The following PHC2 variants were observed in gnomAD, a reference collection of about 807,000 sequenced individuals.
The protein encoded by PHC2 is polyhomeotic homolog 2.
In PHC2, 29 loss-of-function variants were observed where a neutral mutation model predicts 87.4. The observed-to-expected ratio is 0.33, with a 90% CI of 0.25 to 0.45. The LOEUF is 0.45. Among genes scored for constraint, PHC2 ranks in the 20% least tolerant of loss-of-function variants. The probability of loss-of-function intolerance (pLI) is 1.00; values close to 1 mark genes in which losing one functional copy is unlikely to be tolerated. For synonymous variants in PHC2, 438 were observed against 461.7 expected (o/e 0.95, Z 0.66); for missense variants, 857 against 1,136.7 (o/e 0.75, Z 3.54).
chr1:33,346,530 A>T (rs1646847900), intron 9 of PHC2: 1 of 985,118 alleles, frequency 1.0e-6, no homozygotes, highest in Non-Finnish European at 1.2e-6. Context: ...AATATTGAAC[A>T]GCTGGGAGAA....
intron 1 of PHC2, among the ~76,000 whole-genome samples, chr1:33,401,084 TG>T (rs1452763649): frequency 6.6e-6 from 1 of 152,214 alleles, no homozygotes; most frequent in Non-Finnish European, 1.5e-5. Context: ...CCTAGCACTT[TG>T]GGAGGCCGAG....
At position 33,375,554 on chromosome 1, in the gene PHC2, C is replaced by T. The variant is rs373109682; in HGVS notation, c.-15G>A. 3.0e-5 allele frequency: 45 copies of T among 1,498,924 alleles called. No individual in the cohort carries two copies. The highest frequency in any genetic ancestry group is 1.8e-4 in the Middle Eastern group (1 of 5,632). The allele number at this position is 1,498,924 out of a possible 1,614,324, so 92.9% of individuals were successfully genotyped here. On this transcript the variant is annotated 5_prime_UTR_variant, in exon 2 of 15. Transcript: ENST00000683057. Reference sequence around the variant, plus strand: ...TCATTCTCCATGGCCTGCAGTGTGGCGCAGTCAGGGCGCTCGGATGGCAGA... The same window carrying T: ...TCATTCTCCATGGCCTGCAGTGTGGTGCAGTCAGGGCGCTCGGATGGCAGA...
chr1:33,398,025 T>A (rs947001613), intron 1 of PHC2, among the ~76,000 whole-genome samples: 1 of 152,150 alleles, frequency 6.6e-6, no homozygotes, highest in Non-Finnish European at 1.5e-5. Flanking sequence ...CAAGAATGCC[T>A]CAGACAGATT....
intron 9 of PHC2, among the ~76,000 whole-genome samples, chr1:33,343,136 G>A (rs1388045016): frequency 6.6e-6 from 1 of 152,124 alleles, no homozygotes; most frequent in African/African-American, 2.4e-5. Context: ...CGCAGAAGCT[G>A]TGCTACATGG....
chr1:33,334,107 C>A lies in PHC2; in HGVS notation c.1744G>T (p.Gly582Trp). The change falls in exon 10 of 15, where the codon GGG (glycine) becomes TGG (tryptophan). Residue 582 changes from glycine to tryptophan, a missense_variant. Physicochemically the swap from Gly to Trp is radical, Grantham distance 184. Transcript: ENST00000683057. The surrounding 1 kb of genome is among the most constrained non-coding windows in gnomAD (Gnocchi z 5.5). ...HVIEGFVIQEGAEPFPVGRSS... is the reference protein window; with the variant it reads ...HVIEGFVIQEWAEPFPVGRSS... ...GTCCGTACCGGGAAAGGCTCCGCCC[C>A]CTCCTGGATCACAAACCCTTCGATA... 1 of 1,610,844 alleles carries A rather than the reference C, an allele frequency of 6.2e-7. No homozygotes were observed. The highest frequency in any genetic ancestry group is 8.5e-7 in the Non-Finnish European group (1 of 1,178,766).
At chr1:33,361,060 C>T (rs867933667) in intron 7 of PHC2, among the ~76,000 whole-genome samples, 2 of 152,132 alleles carry the variant, frequency 1.3e-5, no homozygotes, top group Non-Finnish European at 2.9e-5. Context: ...GGATTGTTAA[C>T]GCCAGGAGGC....
chr1:33,330,955 A>C (rs1202151273), intron 12 of PHC2, among the ~76,000 whole-genome samples: 1 of 152,200 alleles, frequency 6.6e-6, no homozygotes, highest in Non-Finnish European at 1.5e-5. Flanking sequence ...AGGAAATGGC[A>C]GTGGTTTTTA....
chr1:33,349,669 G>A lies in PHC2; in HGVS notation c.1558+4732C>T, dbSNP rs535746569. On this transcript the variant is annotated intron_variant, in intron 9 of 14. Coordinates refer to ENST00000683057, the MANE Select transcript of PHC2 (RefSeq NM_001385109.1). This position sits in a 1 kb window ranked among gnomAD's most constrained non-coding sequence, Gnocchi z 4.2. ...CTCGGCCGGGCGCCGACTCGCGCGG[G>A]GTCCCGGGCCCGGGCGGGCCGCCTC... 2,935 of 982,938 alleles carry A rather than the reference G, an allele frequency of 3.0e-3. 3 individuals carry two copies. The highest frequency in any genetic ancestry group is 3.3e-3 in the Non-Finnish European group (2,744 of 829,484). The allele number at this position is 982,938 out of a possible 1,614,324, so 60.9% of individuals were successfully genotyped here.
In PHC2 at chr1:33,368,081, A is replaced by G. The variant is rs1040255456; in HGVS notation, c.663+455T>C. Among the ~76,000 whole-genome samples, 7 of 152,120 alleles carry G rather than the reference A, an allele frequency of 4.6e-5. No individual in the cohort carries two copies. Among genetic ancestry groups the G allele is most frequent in the Admixed American group, 1.3e-4 (2 of 15,284 alleles). On this transcript the variant is annotated intron_variant, in intron 6 of 14. Transcript: ENST00000683057. The surrounding 1 kb of genome is among the most constrained non-coding windows in gnomAD (Gnocchi z 6.6). ...GGTTCCTTCCCCGGCTGCCCACAGA[A>G]TCTTCCCAGCCACGGTAGTATCTGT...
intron 1 of PHC2, among the ~76,000 whole-genome samples, chr1:33,415,377 A>G (rs1159036310): frequency 6.6e-6 from 1 of 152,244 alleles, no homozygotes; most frequent in Non-Finnish European, 1.5e-5. Context: ...CTTGTAATAG[A>G]CAAGGAATTA....
intron 9 of PHC2, among the ~76,000 whole-genome samples, chr1:33,335,858 C>G (rs970299549): frequency 6.6e-6 from 1 of 151,696 alleles, no homozygotes; most frequent in South Asian, 2.1e-4. Context: ...TGAGATCTCG[C>G]CACCCCCCTC....
chr1:33,328,832 G>T, intron 14 of PHC2, 38 bp downstream of exon 14: 1 of 1,565,208 alleles, frequency 6.4e-7, no homozygotes. Flanking sequence ...CTCTTTCCTT[G>T]CTATTCCGGG....
intron 1 of PHC2, among the ~76,000 whole-genome samples, chr1:33,425,105 G>A (rs1650614996): frequency 6.6e-6 from 1 of 152,206 alleles, no homozygotes. Context: ...GTGAACAAAT[G>A]TTGATTTTAT....
At position 33,329,166 on chromosome 1, in the gene PHC2, T is replaced by C; in HGVS notation, c.2149-20A>G. On this transcript the variant is annotated intron_variant, in intron 13 of 14. Transcript: ENST00000683057. ...TGTTGGCTGGGAGCAGAGAGTTTTC[T>C]TCAGGATGGGGGAACAAACCATCTC... is the stretch of plus-strand genomic sequence containing the variant. 1 of 1,604,770 alleles carries C rather than the reference T, an allele frequency of 6.2e-7. No homozygotes were observed. The highest frequency in any genetic ancestry group is 8.5e-7 in the Non-Finnish European group (1 of 1,173,824).
chr1:33,332,190 T>A lies in PHC2; in HGVS notation c.1891+85A>T, dbSNP rs1212485948. ...CAGACTCGCTGGCTCAGGGTTCCTC[T>A]GGGGAAACAGAGAGAGGAAGTGTGT... is the stretch of plus-strand genomic sequence containing the variant. On this transcript the variant is annotated intron_variant, in intron 11 of 14. Transcript: ENST00000683057. This position sits in a 1 kb window ranked among gnomAD's most constrained non-coding sequence, Gnocchi z 4.2. 2.8e-5 allele frequency: 42 copies of A among 1,520,608 alleles called. No homozygotes were observed. Among genetic ancestry groups the A allele is most frequent in the Non-Finnish European group, 3.5e-5 (39 of 1,100,646 alleles). 94.2% of individuals were successfully genotyped at this position (1,520,608 alleles called of 1,614,324 possible).
At chr1:33,398,942 T>C (rs1364724386) in intron 1 of PHC2, among the ~76,000 whole-genome samples, 1 of 152,028 alleles carries the variant, frequency 6.6e-6, no homozygotes, top group African/African-American at 2.4e-5. Flanking sequence ...GCTTGGAGGG[T>C]AGGTGAAAAA....
chr1:33,418,201 C>G (rs534269563), intron 1 of PHC2, among the ~76,000 whole-genome samples: 2 of 151,638 alleles, frequency 1.3e-5, no homozygotes, highest in African/African-American at 4.8e-5. Flanking sequence ...GCAAAGCAAA[C>G]AAAAGGAAGG....
intron 8 of PHC2, 62 bp from the exon 9 acceptor site, chr1:33,354,628 T>C (rs1312541227): frequency 3.0e-5 from 45 of 1,510,314 alleles, no homozygotes; most frequent in Admixed American, 4.0e-5. Flanking sequence ...TCTTGGATAC[T>C]TCCCTGGTTT....
At chr1:33,402,023 A>G (rs1445311274) in intron 1 of PHC2, among the ~76,000 whole-genome samples, 5 of 152,306 alleles carry the variant, frequency 3.3e-5, no homozygotes, top group Middle Eastern at 3.4e-3. Flanking sequence ...AGGCATAATA[A>G]CAAGCCTTAC....
Sources: allele counts gnomAD v4.1 joint callset (sites outside exome capture counted in the v4.1 genomes callset), GRCh38; gene constraint gnomAD v4.1.1; non-coding constraint Gnocchi (gnomAD v3.1); transcripts MANE v1.5; gene names NCBI Gene and HGNC (gene_info 2026-07-23, HGNC 2026-07-21).